Variants in NDST4 observed in about 807,000 individuals in gnomAD.
NDST4 encodes the protein N-deacetylase and N-sulfotransferase 4.
Under a neutral mutation model 100.8 loss-of-function variants are expected in NDST4, and 63 were observed. That is an observed-to-expected ratio of 0.62 (90% confidence interval 0.51 to 0.77). NDST4 has a LOEUF of 0.77. NDST4 is among the 30% of genes least tolerant of loss of function. The probability of loss-of-function intolerance (pLI) is 0.00; values close to 1 mark genes in which losing one functional copy is unlikely to be tolerated. For synonymous variants in NDST4, 377 were observed against 361.8 expected (o/e 1.04, Z -0.48); for missense variants, 943 against 1,018.4 (o/e 0.93, Z 1.01).
At chr4:114,902,241 A>AT (rs1470708133) in intron 6 of NDST4, among the ~76,000 whole-genome samples, 17 of 151,868 alleles carry the variant, frequency 1.1e-4, no homozygotes, top group Non-Finnish European at 2.2e-4. Context: ...GTTTAAAAAA[A>AT]TTTTTTCGCA....
intron 2 of NDST4, among the ~76,000 whole-genome samples, chr4:115,045,416 TA>T (rs1728444003): frequency 6.6e-6 from 1 of 152,208 alleles, no homozygotes; most frequent in Admixed American, 6.5e-5. Context: ...ATTAGACTGA[TA>T]TAAGTAAATG....
At chr4:114,904,957 T>C (rs1724918887) in intron 6 of NDST4, among the ~76,000 whole-genome samples, 3 of 152,056 alleles carry the variant, frequency 2.0e-5, no homozygotes, top group South Asian at 4.1e-4. Context: ...TAATGGATTA[T>C]TGAGTTAAAA....
chr4:114,852,240 A>G (rs1436873084), intron 8 of NDST4, among the ~76,000 whole-genome samples: 3 of 152,118 alleles, frequency 2.0e-5, no homozygotes, highest in African/African-American at 4.8e-5. Context: ...GCTAATACCT[A>G]ATGATTAATT....
At chr4:115,096,355 C>A (rs1729621139) in intron 1 of NDST4, among the ~76,000 whole-genome samples, 1 of 152,062 alleles carries the variant, frequency 6.6e-6, no homozygotes, top group East Asian at 1.9e-4. Flanking sequence ...CTTGCTATCT[C>A]TTTTTAGTTC....
rs914410422 is a variant in NDST4, at chr4:114,895,263, GAAGAATCAAAT to G, written c.1537-24324_1537-24314del. ...CTATACTAAGAAAGAAGAAGAGAGA[GAAGAATCAAAT>G]AGACACAATTGAAAATAATAAAGGG... On this transcript the variant is annotated intron_variant, in intron 6 of 13. Coordinates refer to ENST00000264363, the MANE Select transcript of NDST4 (RefSeq NM_022569.3). Among the ~76,000 whole-genome samples, 37 of 151,924 alleles carry G rather than the reference GAAGAATCAAAT, an allele frequency of 2.4e-4. 4 individuals carry two copies. Among genetic ancestry groups the G allele is most frequent in the Admixed American group, 2.0e-3 (30 of 15,244 alleles).
At chr4:114,874,327 G>GA (rs35645731) in intron 6 of NDST4, among the ~76,000 whole-genome samples, 2,450 of 151,798 alleles carry the variant, frequency 0.016, 37 homozygotes, top group Middle Eastern at 0.051. Context: ...TTGTTTGATG[G>GA]AAAAAAAAGC....
chr4:114,925,774 C>T (rs1201012042), intron 6 of NDST4, among the ~76,000 whole-genome samples: 1 of 152,084 alleles, frequency 6.6e-6, no homozygotes, highest in Non-Finnish European at 1.5e-5. Flanking sequence ...TCCTGAACTG[C>T]TATTTTAGAG....
At chr4:114,955,765 C>T (rs1053783638) in intron 4 of NDST4, 1 of 152,168 alleles carries the variant, frequency 6.6e-6, no homozygotes, top group Non-Finnish European at 1.5e-5. Context: ...AGAAAATCTA[C>T]TACAAATGGT....
chr4:114,946,254 A>G, intron 4 of NDST4, among the ~76,000 whole-genome samples: 1 of 151,954 alleles, frequency 6.6e-6, no homozygotes, highest in Non-Finnish European at 1.5e-5. Context: ...TTATTAATTC[A>G]TTTTATTCAT....
chr4:115,076,466 T>C lies in NDST4; in HGVS notation c.571A>G (p.Lys191Glu), dbSNP rs772765391. 1.2e-5 allele frequency: 20 copies of C among 1,613,810 alleles called. No homozygotes were observed. The South Asian group carries it at 2.2e-4, about 18-fold the overall frequency. ...GATTGAGGGTTAACAAAACAGTCCT[T>C]TAGAGCTAGATTATTGAAAAGGTTT... is the stretch of plus-strand genomic sequence containing the variant. Reference protein sequence around the residue: ...PLNLFNNLALKDCFVNPQSPL... With the variant: ...PLNLFNNLALEDCFVNPQSPL... The change falls in exon 2 of 14, where the codon AAG becomes GAG. Residue 191 changes from lysine to glutamate, a missense_variant. Coordinates refer to ENST00000264363, the MANE Select transcript of NDST4 (RefSeq NM_022569.3).
At chr4:115,030,647 T>A (rs911557378) in intron 2 of NDST4, among the ~76,000 whole-genome samples, 1 of 152,080 alleles carries the variant, frequency 6.6e-6, no homozygotes, top group African/African-American at 2.4e-5. Flanking sequence ...AGGAAGAATG[T>A]TAAAAATATA....
chr4:114,976,922 A>G (rs1027333492), intron 3 of NDST4, among the ~76,000 whole-genome samples: 1 of 151,866 alleles, frequency 6.6e-6, no homozygotes, highest in Non-Finnish European at 1.5e-5. Flanking sequence ...AACAAGATGC[A>G]CAGTCATACT....
intron 2 of NDST4, among the ~76,000 whole-genome samples, chr4:115,041,367 A>C (rs1333417356): frequency 2.0e-5 from 3 of 152,126 alleles, no homozygotes; most frequent in Non-Finnish European, 4.4e-5. Flanking sequence ...TTACCTAAAA[A>C]ATACATCTTT....
intron 2 of NDST4, among the ~76,000 whole-genome samples, chr4:115,038,312 C>T (rs1268447588): frequency 1.3e-5 from 2 of 151,952 alleles, no homozygotes; most frequent in Non-Finnish European, 2.9e-5. Flanking sequence ...TAGATTTGTT[C>T]TTAACTTTAG....
intron 1 of NDST4, among the ~76,000 whole-genome samples, chr4:115,086,771 T>C (rs184773219): frequency 7.9e-5 from 12 of 152,094 alleles, no homozygotes; most frequent in Non-Finnish European, 1.8e-4. Flanking sequence ...AGAAAGGACA[T>C]GATTTTTTAA....
At chr4:114,921,210 G>C (rs1560813318) in intron 6 of NDST4, among the ~76,000 whole-genome samples, 1 of 151,720 alleles carries the variant, frequency 6.6e-6, no homozygotes, top group East Asian at 1.9e-4. Flanking sequence ...CAAAATCAAA[G>C]AAAAAAAATT....
intron 7 of NDST4, among the ~76,000 whole-genome samples, chr4:114,853,214 C>T (rs947097499): frequency 3.2e-4 from 48 of 152,080 alleles, no homozygotes; most frequent in African/African-American, 1.1e-3. Context: ...GGCTGGAATG[C>T]TATCCTTGAA....
At position 114,876,409 on chromosome 4, in the gene NDST4, A is replaced by G. The variant is rs202149616; in HGVS notation, c.1537-5459T>C. Among the ~76,000 whole-genome samples, 61 of 152,284 alleles carry G rather than the reference A, an allele frequency of 4.0e-4. No individual in the cohort carries two copies. In the East Asian group the frequency reaches 0.011, roughly 26 times the overall value. ...TCTGATGGGCTTTGGCATTGTACTC[A>G]CATTTTTCTTATAAAAGGTAATTTT... is the stretch of plus-strand genomic sequence containing the variant. On this transcript the variant is annotated intron_variant, in intron 6 of 13. Coordinates refer to ENST00000264363, the MANE Select transcript of NDST4 (RefSeq NM_022569.3).
intron 1 of NDST4, among the ~76,000 whole-genome samples, chr4:115,077,944 T>C (rs1729222926): frequency 1.3e-5 from 2 of 152,174 alleles, no homozygotes; most frequent in Admixed American, 1.3e-4. Flanking sequence ...AAAAGAACAA[T>C]GACATGTTAG....
Sources: allele counts gnomAD v4.1 joint callset (sites outside exome capture counted in the v4.1 genomes callset), GRCh38; gene constraint gnomAD v4.1.1; transcripts MANE v1.5; gene names NCBI Gene and HGNC (gene_info 2026-07-23, HGNC 2026-07-21).